The following NAV1 variants were observed in gnomAD, a reference collection of about 807,000 sequenced individuals.
NAV1 encodes the protein pore membrane and/or filament interacting like protein 3.
NAV1 carries 18 observed loss-of-function variants against 175.2 expected under a neutral mutation model. The observed-to-expected ratio is 0.10, with a 90% CI of 0.07 to 0.15. The LOEUF is 0.15. Among genes scored for constraint, NAV1 ranks in the 10% least tolerant of loss-of-function variants. The probability of loss-of-function intolerance (pLI) is 1.00; values close to 1 mark genes in which losing one functional copy is unlikely to be tolerated. For synonymous variants in NAV1, 897 were observed against 978.7 expected (o/e 0.92, Z 1.56); for missense variants, 1,731 against 2,436.6 (o/e 0.71, Z 6.10).
intron 1 of NAV1, among the ~76,000 whole-genome samples, chr1:201,579,600 C>T (rs567541768): frequency 1.3e-5 from 2 of 152,170 alleles, no homozygotes; most frequent in Non-Finnish European, 2.9e-5. Context: ...AAGTGATCCA[C>T]CCACCTCGGC....
chr1:201,781,283 C>T, exon 5 of NAV1: 2 of 1,613,434 alleles, frequency 1.2e-6, no homozygotes, highest in Non-Finnish European at 8.5e-7. Context: ...ATCACTCACA[C>T]AGCCCAGAGT....
chr1:201,577,069 C>A lies in NAV1; in HGVS notation c.-143-11470C>A, dbSNP rs536082445. Among the ~76,000 whole-genome samples, 12 of 152,248 alleles carry A rather than the reference C, an allele frequency of 7.9e-5. No homozygotes were observed. In the South Asian group the frequency reaches 2.5e-3, roughly 32 times the overall value. On this transcript the variant is annotated intron_variant, in intron 1 of 33. Coordinates refer to the NAV1 transcript ENST00000685211. ...GCAGTGGTGCCATCACAGCTCACAA[C>A]CTCAACCTCCTGGCCTCAAGCAATC... is the stretch of plus-strand genomic sequence containing the variant.
At chr1:201,580,642 G>A (rs774321090) in intron 1 of NAV1, among the ~76,000 whole-genome samples, 17 of 152,110 alleles carry the variant, frequency 1.1e-4, no homozygotes, top group Non-Finnish European at 1.6e-4. Context: ...GCGTGGTGGC[G>A]CACGCCTGTA....
intron 3 of NAV1, among the ~76,000 whole-genome samples, chr1:201,720,755 C>T (rs1477447296): frequency 6.6e-6 from 1 of 152,178 alleles, no homozygotes; most frequent in Non-Finnish European, 1.5e-5. Context: ...ATTCCTGGCT[C>T]ATTGTAAATG....
At chr1:201,642,299 G>A (rs192746477) in intron 2 of NAV1, among the ~76,000 whole-genome samples, 2 of 150,152 alleles carry the variant, frequency 1.3e-5, no homozygotes, top group East Asian at 4.1e-4. Flanking sequence ...TGCAGGCTCC[G>A]CCTCCCGGGT....
rs1418641016 is a variant in NAV1, at chr1:201,681,026, T to C, written c.757+31601T>C. 2.0e-5 allele frequency among the ~76,000 whole-genome samples: 3 copies of C among 152,052 alleles called. No individual in the cohort carries two copies. The East Asian group carries it at 5.8e-4, about 29-fold the overall frequency. On this transcript the variant is annotated intron_variant, in intron 1 of 29. Transcript: ENST00000367296. ...AGCCATTGTCCTATTCACACCATCA[T>C]CTCCTTCATGAATGTTTCCTGACTT...
exon 1 of NAV1, chr1:201,622,986 C>T (rs531376691): frequency 5.1e-6 from 5 of 986,146 alleles, no homozygotes; most frequent in African/African-American, 1.7e-5. Flanking sequence ...CTACACCGGG[C>T]GCTTCTCCCC....
At chr1:201,577,472 A>ATTTTTTT (rs36112197) in intron 1 of NAV1, among the ~76,000 whole-genome samples, 46 of 97,798 alleles carry the variant, frequency 4.7e-4, no homozygotes, top group Non-Finnish European at 6.5e-4. Context: ...TGAGACTTAG[A>ATTTTTTT]TTTTTTTTTT....
intron 1 of NAV1, among the ~76,000 whole-genome samples, chr1:201,668,499 C>A (rs1485609845): frequency 6.6e-6 from 1 of 152,160 alleles, no homozygotes; most frequent in Non-Finnish European, 1.5e-5. Flanking sequence ...CTCCTAGGGT[C>A]TCTCTGCCTG....
At chr1:201,603,198 T>C (rs1288810320) in intron 2 of NAV1, among the ~76,000 whole-genome samples, 1 of 152,176 alleles carries the variant, frequency 6.6e-6, no homozygotes, top group Non-Finnish European at 1.5e-5. Context: ...TCAAAAATAA[T>C]TCTCTGAACT....
intron 2 of NAV1, among the ~76,000 whole-genome samples, chr1:201,642,167 C>CCCTTCCTTCCTTCCTTCCTTCCTT (rs1553246977): frequency 8.6e-6 from 1 of 116,446 alleles, no homozygotes; most frequent in African/African-American, 3.6e-5. Flanking sequence ...TCTCTCCCCT[C>CCCTTCCTTCCTTCCTTCCTTCCTT]CCTTCCTTCC....
intron 28 of NAV1, 57 bp from the exon 33 acceptor site, chr1:201,817,031 G>A: frequency 6.5e-7 from 1 of 1,536,378 alleles, no homozygotes; most frequent in Non-Finnish European, 8.9e-7. Context: ...AAGACTGCAT[G>A]AACAAGCCTC....
intron 2 of NAV1, among the ~76,000 whole-genome samples, chr1:201,608,425 G>A (rs564227475): frequency 7.9e-5 from 12 of 152,284 alleles, no homozygotes; most frequent in African/African-American, 2.9e-4. Context: ...CTACTTGCTG[G>A]GCAGCCTCGG....
At chr1:201,610,562 A>G (rs1440226403) in intron 2 of NAV1, among the ~76,000 whole-genome samples, 1 of 152,200 alleles carries the variant, frequency 6.6e-6, no homozygotes, top group Non-Finnish European at 1.5e-5. Context: ...TCTCCTCTGC[A>G]GAGGTGTGTT....
intron 3 of NAV1, among the ~76,000 whole-genome samples, chr1:201,760,706 CAG>C (rs1339712856): frequency 6.6e-6 from 1 of 152,128 alleles, no homozygotes; most frequent in Non-Finnish European, 1.5e-5. Context: ...ACTTCAATAA[CAG>C]AGTGTTATGG....
intron 2 of NAV1, among the ~76,000 whole-genome samples, chr1:201,640,329 A>C (rs1668714781): frequency 6.6e-6 from 1 of 152,190 alleles, no homozygotes; most frequent in Non-Finnish European, 1.5e-5. Flanking sequence ...CTAATGGACC[A>C]ATCTAGGAAG....
upstream of NAV1, among the ~76,000 whole-genome samples, chr1:201,645,332 A>G (rs1447174921): frequency 6.9e-6 from 1 of 145,320 alleles, no homozygotes; most frequent in Admixed American, 7.1e-5. Context: ...GTTCTCACTC[A>G]CAGGTGGGAA....
intron 1 of NAV1, among the ~76,000 whole-genome samples, chr1:201,675,885 GCCC>G (rs1670231009): frequency 6.6e-6 from 1 of 152,142 alleles, no homozygotes; most frequent in Non-Finnish European, 1.5e-5. Flanking sequence ...CTTTTCATTG[GCCC>G]AGTGGCCGGC....
rs868698130 is a variant in NAV1 at position 201,794,229 on chromosome 1, G to A, written c.3406-237G>A. 21 of 631,242 alleles carry A rather than the reference G, an allele frequency of 3.3e-5. 1 individual carries two copies. Among genetic ancestry groups the A allele is most frequent in the South Asian group, 2.9e-4 (19 of 66,166 alleles). The allele number at this position is 631,242 out of a possible 1,614,324, so 39.1% of individuals were successfully genotyped here. ...TGCACTGGCGCGATCTTGGCTAACT[G>A]CAAACTCTGCCTCCCAGGTTCAAGC... On this transcript the variant is annotated intron_variant, in intron 14 of 29. Transcript: ENST00000367296.
Sources: gnomAD v4.1 joint callset for allele counts (sites outside exome capture counted in the v4.1 genomes callset) on GRCh38, gnomAD v4.1.1 for gene constraint, MANE v1.5 for transcripts, NCBI Gene and HGNC (gene_info 2026-07-23, HGNC 2026-07-21) for gene names.